The following NRG3 variants were observed in gnomAD, a reference collection of about 807,000 sequenced individuals.
NRG3 encodes neuregulin 3, also known as pro-neuregulin-3, membrane-bound isoform.
NRG3 carries 31 observed loss-of-function variants against 66.9 expected under a neutral mutation model. The observed-to-expected ratio is 0.46, with a 90% CI of 0.35 to 0.63. The LOEUF is 0.63. NRG3 is among the 20% of genes least tolerant of loss of function. NRG3 has a pLI of 0.00. For synonymous variants in NRG3, 393 were observed against 359.4 expected (o/e 1.09, Z -1.06); for missense variants, 910 against 878.9 (o/e 1.04, Z -0.45).
chr10:82,640,996 T>C (rs2050532839), intron 2 of NRG3, among the ~76,000 whole-genome samples: 1 of 151,072 alleles, frequency 6.6e-6, no homozygotes, highest in Non-Finnish European at 1.5e-5. Flanking sequence ...GGTCTTTAAA[T>C]TTTTCAGTCT....
intron 2 of NRG3, among the ~76,000 whole-genome samples, chr10:82,463,677 G>A (rs974715609): frequency 3.3e-5 from 5 of 152,176 alleles, no homozygotes. Context: ...AACATGTCAA[G>A]GCTGGATAAC....
intron 1 of NRG3, among the ~76,000 whole-genome samples, chr10:82,343,727 A>G (rs1411986221): frequency 2.6e-5 from 4 of 152,130 alleles, no homozygotes; most frequent in Non-Finnish European, 4.4e-5. Context: ...AGAAATTACA[A>G]TAATTTTATT....
rs780833181 is a variant in NRG3 at position 82,985,438 on chromosome 10, A to G, written c.1924A>G (p.Thr642Ala). The G allele has an allele frequency of 7.4e-6, 12 of 1,614,050 alleles. No individual in the cohort carries two copies. The African/African-American group carries it at 9.3e-5, about 13-fold the overall frequency. ...ETVQEQIRIL[T>A]DARRSEDYEL... is the part of the protein sequence containing the mutation. ...TGTCCAGGAGCAGATCCGAATTCTGACTGATGCCAGACGGTCAGAAGACTA... is the reference window on the plus strand; with the variant it reads ...TGTCCAGGAGCAGATCCGAATTCTGGCTGATGCCAGACGGTCAGAAGACTA... The change falls in exon 9 of 9, where the codon ACT becomes GCT. Residue 642 changes from threonine to alanine, a missense_variant. Coordinates refer to ENST00000372141, the MANE Select transcript of NRG3 (RefSeq NM_001010848.4).
intron 1 of NRG3, among the ~76,000 whole-genome samples, chr10:82,048,351 A>G (rs1259402164): frequency 1.3e-5 from 2 of 152,048 alleles, no homozygotes; most frequent in African/African-American, 2.4e-5. Flanking sequence ...AGTTGGAAGT[A>G]AAGCTCTCCT....
At chr10:82,213,267 A>G (rs560849289) in intron 1 of NRG3, among the ~76,000 whole-genome samples, 1 of 152,214 alleles carries the variant, frequency 6.6e-6, no homozygotes, top group African/African-American at 2.4e-5. Context: ...GAACATCTGT[A>G]ATCTGAAAAT....
chr10:82,142,319 A>G (rs964478805), intron 1 of NRG3, among the ~76,000 whole-genome samples: 2 of 152,154 alleles, frequency 1.3e-5, no homozygotes, highest in Non-Finnish European at 2.9e-5. Context: ...AAACCAACAA[A>G]CAAACAGCAA....
intron 1 of NRG3, among the ~76,000 whole-genome samples, chr10:81,920,429 C>T (rs1273608553): frequency 6.6e-6 from 1 of 152,088 alleles, no homozygotes; most frequent in Non-Finnish European, 1.5e-5. Flanking sequence ...GGGGGCCTCC[C>T]TCTAGTCTCC....
At chr10:81,996,510 TATAAG>T (rs1260986484) in intron 1 of NRG3, among the ~76,000 whole-genome samples, 17 of 152,238 alleles carry the variant, frequency 1.1e-4, no homozygotes, top group African/African-American at 4.1e-4. Flanking sequence ...TTCTGACTAG[TATAAG>T]ATATTTACAT....
chr10:82,331,275 G>T (rs3904725), intron 1 of NRG3, among the ~76,000 whole-genome samples: 60,496 of 151,996 alleles, frequency 0.4, 16,876 homozygotes, highest in African/African-American at 0.78. Flanking sequence ...GAAGTGATTT[G>T]ATAGCTTCCT....
intron 1 of NRG3, among the ~76,000 whole-genome samples, chr10:82,004,981 C>T (rs567362676): frequency 2.0e-5 from 3 of 152,204 alleles, no homozygotes; most frequent in Non-Finnish European, 4.4e-5. Flanking sequence ...TGAGTACATA[C>T]TGTCATGCTT....
At chr10:82,546,162 A>G (rs1201024329) in intron 2 of NRG3, among the ~76,000 whole-genome samples, 1 of 152,196 alleles carries the variant, frequency 6.6e-6, no homozygotes. Context: ...CTCTTTTGAA[A>G]GTGCATAACA....
chr10:82,299,437 G>C (rs2134738235), intron 1 of NRG3, among the ~76,000 whole-genome samples: 1 of 152,140 alleles, frequency 6.6e-6, no homozygotes, highest in Admixed American at 6.5e-5. Flanking sequence ...TAGAAATCTG[G>C]CCAGCAGGCT....
chr10:82,728,129 A>G (rs920713497), intron 2 of NRG3, among the ~76,000 whole-genome samples: 3 of 152,156 alleles, frequency 2.0e-5, no homozygotes, highest in African/African-American at 7.2e-5. Context: ...GCCTCGTCTC[A>G]GATGAGACGT....
intron 4 of NRG3, among the ~76,000 whole-genome samples, chr10:82,889,963 C>G (rs1471657181): frequency 6.6e-6 from 1 of 152,150 alleles, no homozygotes; most frequent in Non-Finnish European, 1.5e-5. Flanking sequence ...AAAGATAGCT[C>G]GTGACATCAC....
intron 3 of NRG3, among the ~76,000 whole-genome samples, chr10:82,781,679 A>C (rs1383165079): frequency 6.6e-6 from 1 of 152,114 alleles, no homozygotes; most frequent in Non-Finnish European, 1.5e-5. Context: ...TTACACACCA[A>C]GCAAGAAGGC....
At chr10:82,687,758 A>G (rs2134175210) in intron 2 of NRG3, among the ~76,000 whole-genome samples, 1 of 152,194 alleles carries the variant, frequency 6.6e-6, no homozygotes, top group South Asian at 2.1e-4. Context: ...ACCTTAGAAT[A>G]AGAGTAGGTC....
intron 4 of NRG3, among the ~76,000 whole-genome samples, chr10:82,884,459 T>C (rs1265275658): frequency 2.0e-5 from 3 of 152,202 alleles, no homozygotes; most frequent in African/African-American, 7.2e-5. Flanking sequence ...ATTTTTCACC[T>C]TTCTGTTTTG....
intron 1 of NRG3, among the ~76,000 whole-genome samples, chr10:82,255,257 G>T (rs1375992838): frequency 6.6e-6 from 1 of 152,012 alleles, no homozygotes; most frequent in Non-Finnish European, 1.5e-5. Flanking sequence ...AAACCATCAA[G>T]GTCATCACAG....
At chr10:82,825,221 TA>T (rs1373909505) in intron 3 of NRG3, among the ~76,000 whole-genome samples, 2 of 152,212 alleles carry the variant, frequency 1.3e-5, no homozygotes, top group Non-Finnish European at 2.9e-5. Flanking sequence ...CTTTTGGTGT[TA>T]TATCTAAAAA....
Sources: allele counts gnomAD v4.1 joint callset (sites outside exome capture counted in the v4.1 genomes callset), GRCh38; gene constraint gnomAD v4.1.1; transcripts MANE v1.5; gene names NCBI Gene and HGNC (gene_info 2026-07-23, HGNC 2026-07-21).